The following ADAMTS9 variants were observed in gnomAD, a reference collection of about 807,000 sequenced individuals.
The protein encoded by ADAMTS9 is ADAM metallopeptidase with thrombospondin type 1 motif 9.
A neutral mutation model predicts 257.1 loss-of-function variants in ADAMTS9; 107 were observed. The observed-to-expected ratio is 0.42, with a 90% CI of 0.36 to 0.49. ADAMTS9 has a LOEUF of 0.49. ADAMTS9 is among the 20% of genes least tolerant of loss of function. ADAMTS9 has a pLI of 0.03. For synonymous variants in ADAMTS9, 982 were observed against 880.9 expected, an observed-to-expected ratio of 1.11 and a Z score of -2.03; for missense variants, 2,353 against 2,469.1, an observed-to-expected ratio of 0.95 and a Z score of 1.00.
chr3:64,651,593 C>A (rs1354461133), intron 8 of ADAMTS9, among the ~76,000 whole-genome samples: 1 of 152,100 alleles, frequency 6.6e-6, no homozygotes, highest in African/African-American at 2.4e-5. Flanking sequence ...AAAACTGAAG[C>A]CAAGAGCTTT....
chr3:64,619,708 G>T (rs1490794569), intron 19 of ADAMTS9, among the ~76,000 whole-genome samples: 3 of 152,074 alleles, frequency 2.0e-5, no homozygotes, highest in Non-Finnish European at 4.4e-5. Flanking sequence ...GTAAATGGTT[G>T]ACTCTATTAC....
chr3:64,672,272 A>G (rs1701510016), intron 3 of ADAMTS9, among the ~76,000 whole-genome samples: 1 of 152,204 alleles, frequency 6.6e-6, no homozygotes. Flanking sequence ...TTCTGAAGCA[A>G]AGTGTCAGGA....
chr3:64,578,057 A>C (rs1009623116), intron 28 of ADAMTS9, among the ~76,000 whole-genome samples: 2 of 152,202 alleles, frequency 1.3e-5, no homozygotes, highest in African/African-American at 2.4e-5. Flanking sequence ...TTGTGGGTGG[A>C]TATTAATGCC....
At chr3:64,655,034 G>A (rs1218874095) in intron 6 of ADAMTS9, among the ~76,000 whole-genome samples, 2 of 152,188 alleles carry the variant, frequency 1.3e-5, no homozygotes, top group Admixed American at 6.5e-5. Flanking sequence ...AAGCCAGCAC[G>A]CGTCTTTGTT....
chr3:64,649,187 G>A (rs1303609656), intron 10 of ADAMTS9, among the ~76,000 whole-genome samples: 1 of 152,174 alleles, frequency 6.6e-6, no homozygotes, highest in Admixed American at 6.5e-5. Context: ...GTCACAGGAT[G>A]CTACCTTGAC....
At chr3:64,670,348 T>C (rs1701457438) in intron 3 of ADAMTS9, among the ~76,000 whole-genome samples, 1 of 152,136 alleles carries the variant, frequency 6.6e-6, no homozygotes, top group Admixed American at 6.5e-5. Context: ...AGATGAGCAA[T>C]AAAAATAACA....
At chr3:64,570,176 T>G (rs1198224620) in intron 28 of ADAMTS9, among the ~76,000 whole-genome samples, 2 of 152,208 alleles carry the variant, frequency 1.3e-5, no homozygotes, top group African/African-American at 4.8e-5. Flanking sequence ...GCACCTACAA[T>G]GTTCCAGAAA....
chr3:64,543,796 G>C (rs1182767471), intron 32 of ADAMTS9, among the ~76,000 whole-genome samples: 1 of 152,098 alleles, frequency 6.6e-6, no homozygotes, highest in Non-Finnish European at 1.5e-5. Context: ...AGAAATAAAG[G>C]GTATTCAATC....
chr3:64,626,867 C>T (rs1700235700), intron 16 of ADAMTS9, among the ~76,000 whole-genome samples: 2 of 152,136 alleles, frequency 1.3e-5, no homozygotes, highest in Admixed American at 6.6e-5. Flanking sequence ...CCTCTGACAA[C>T]CTCGTCTTGC....
chr3:64,574,642 A>G (rs2083787160), intron 28 of ADAMTS9, among the ~76,000 whole-genome samples: 1 of 150,740 alleles, frequency 6.6e-6, no homozygotes, highest in African/African-American at 2.4e-5. Context: ...CTGAGTTAGG[A>G]GCATTGATTG....
chr3:64,655,950 G>C (rs1576166437), intron 4 of ADAMTS9, 75 bp from the exon 5 acceptor site: 1 of 886,044 alleles, frequency 1.1e-6, no homozygotes, highest in Non-Finnish European at 1.7e-6. Context: ...TCTTACGTTG[G>C]GCTCCACCTC....
intron 16 of ADAMTS9, among the ~76,000 whole-genome samples, chr3:64,626,503 C>T (rs78271876): frequency 0.026 from 3,947 of 152,160 alleles, 160 homozygotes; most frequent in African/African-American, 0.09. Flanking sequence ...ATTTAAAAAT[C>T]CACTTTTTTG....
At chr3:64,598,850 G>T (rs1436600111) in intron 26 of ADAMTS9, among the ~76,000 whole-genome samples, 2 of 152,080 alleles carry the variant, frequency 1.3e-5, no homozygotes, top group African/African-American at 4.8e-5. Flanking sequence ...CCAGTAAAAT[G>T]GCAGGCTCCT....
chr3:64,676,093 G>T (rs1387561086), intron 3 of ADAMTS9, among the ~76,000 whole-genome samples: 1 of 152,128 alleles, frequency 6.6e-6, no homozygotes, highest in Non-Finnish European at 1.5e-5. Context: ...ATTTAGCTGG[G>T]TTGAATGAGA....
intron 16 of ADAMTS9, among the ~76,000 whole-genome samples, chr3:64,628,079 A>G (rs1700270618): frequency 6.6e-6 from 1 of 152,140 alleles, no homozygotes; most frequent in Non-Finnish European, 1.5e-5. Context: ...GTAGGCTTGC[A>G]CACTTTTCAT....
At chr3:64,588,419 AT>A (rs35685609) in intron 28 of ADAMTS9, 3,612 of 147,952 alleles carry the variant, frequency 0.024, 129 homozygotes, top group East Asian at 0.14. Flanking sequence ...TTAAAAATTG[AT>A]TTTTTTTTTT....
intron 22 of ADAMTS9, among the ~76,000 whole-genome samples, 186 bp from the exon 23 acceptor site, chr3:64,607,265 G>C (rs1487186523): frequency 6.6e-6 from 1 of 152,176 alleles, no homozygotes; most frequent in East Asian, 1.9e-4. Context: ...TTATTATGAT[G>C]ACCCTTGGAA....
chr3:64,564,355 T>C (rs113680020), intron 29 of ADAMTS9, among the ~76,000 whole-genome samples: 3 of 152,338 alleles, frequency 2.0e-5, no homozygotes, highest in African/African-American at 4.8e-5. Context: ...TTTTGATGTT[T>C]AGGGAATCAT....
intron 8 of ADAMTS9, among the ~76,000 whole-genome samples, chr3:64,651,744 T>C (rs941412663): frequency 6.6e-6 from 1 of 152,180 alleles, no homozygotes; most frequent in Non-Finnish European, 1.5e-5. Context: ...GTGGTATGCA[T>C]GGAAACCAGA....
Sources: gnomAD v4.1 joint callset for allele counts (sites outside exome capture counted in the v4.1 genomes callset) on GRCh38, gnomAD v4.1.1 for gene constraint, MANE v1.5 for transcripts, NCBI Gene and HGNC (gene_info 2026-07-23, HGNC 2026-07-21) for gene names.